The following BTAF1 variants were observed in gnomAD, a reference collection of about 807,000 sequenced individuals.
BTAF1 encodes B-TFIID TATA-box binding protein associated factor 1.
A neutral mutation model predicts 227.1 loss-of-function variants in BTAF1; 38 were observed. The ratio of observed to expected loss-of-function variants is 0.17; its 90% CI spans 0.13 to 0.22. BTAF1 has a LOEUF of 0.22. BTAF1 is among the 10% of genes least tolerant of loss of function. The probability of loss-of-function intolerance (pLI) is 1.00; values close to 1 mark genes in which losing one functional copy is unlikely to be tolerated. For missense variants in BTAF1, 1,598 were observed against 2,204.0 expected (o/e 0.73, Z 5.51); for synonymous variants, 742 against 751.9 (o/e 0.99, Z 0.21).
Position 91,962,654 on chromosome 10 carries a change from C to A in BTAF1, c.1380C>A (p.Ser460Arg). 1 of 1,597,754 alleles carries A rather than the reference C, an allele frequency of 6.3e-7. No homozygotes were observed. Among genetic ancestry groups the A allele is most frequent in the Non-Finnish European group, 8.5e-7 (1 of 1,174,174 alleles). ...AAASLVPVVE[S>R]LVYLQTQKVP... ...CATCATTAGTGCCTGTAGTAGAAAG[C>A]CTTGTCTATCTTCAGACACAAAAGG... is the stretch of plus-strand genomic sequence containing the variant. Residue 460 changes from serine to arginine, a missense_variant, in exon 12 of 38, where the codon AGC becomes AGA. Transcript: ENST00000265990.
intron 19 of BTAF1, among the ~76,000 whole-genome samples, chr10:91,987,271 C>G (rs1022367990): frequency 5.3e-5 from 8 of 152,014 alleles, no homozygotes; most frequent in Non-Finnish European, 7.4e-5. Context: ...ATCATGAGGT[C>G]AGGAGATCAA....
At chr10:91,953,050 A>G (rs1258858954) in intron 5 of BTAF1, among the ~76,000 whole-genome samples, 2 of 152,208 alleles carry the variant, frequency 1.3e-5, no homozygotes, top group East Asian at 1.9e-4. Context: ...GCCATAGGTC[A>G]TTACAGCTGC....
At chr10:91,931,637 C>T (rs962894019) in intron 1 of BTAF1, among the ~76,000 whole-genome samples, 1 of 152,186 alleles carries the variant, frequency 6.6e-6, no homozygotes, top group Non-Finnish European at 1.5e-5. Context: ...CAACATAATA[C>T]TGACTCTGTC....
chr10:91,989,305 C>T lies in BTAF1; in HGVS notation c.2579C>T (p.Ala860Val). 1 of 1,614,140 alleles carries T rather than the reference C, an allele frequency of 6.2e-7. No individual in the cohort carries two copies. The highest frequency in any genetic ancestry group is 8.5e-7 in the Non-Finnish European group (1 of 1,180,030). Reference sequence around the variant, plus strand: ...TTGCAGTTGAGAGTGCATACTTTTGCTGCCTGTGCAGTTGTGAGCTTGCAG... The same window carrying T: ...TTGCAGTTGAGAGTGCATACTTTTGTTGCCTGTGCAGTTGTGAGCTTGCAG... ...QVLQLRVHTFAACAVVSLQQL... is the reference protein window; with the variant it reads ...QVLQLRVHTFVACAVVSLQQL... The change falls in exon 20 of 38, where the codon GCT (alanine) becomes GTT (valine). Residue 860 changes from alanine to valine, a missense_variant. Transcript: ENST00000265990.
At chr10:91,957,202 G>A (rs369627991) in intron 7 of BTAF1, 23 bp from the exon 8 acceptor site, 107 of 1,597,708 alleles carry the variant, frequency 6.7e-5, no homozygotes, top group Non-Finnish European at 7.3e-5. Flanking sequence ...TGAACTAGTA[G>A]TAATTCTGTT....
intron 32 of BTAF1, among the ~76,000 whole-genome samples, chr10:92,016,062 A>G (rs759645910): frequency 6.6e-6 from 1 of 152,184 alleles, no homozygotes; most frequent in Non-Finnish European, 1.5e-5. Flanking sequence ...CCTGAACAGT[A>G]GAAAAATTGA....
In BTAF1 at chr10:92,018,876, G is replaced by C. The variant is rs1337170994; in HGVS notation, c.4804G>C (p.Val1602Leu). The change falls in exon 34 of 38, where the codon GTT (valine) becomes CTT (leucine). Residue 1602 changes from valine (V) to leucine (L), a missense_variant. Val to Leu is a conservative substitution (Grantham distance 32). This residue lies in a region of BTAF1 where 205 missense variants were observed against 244.5 expected (regional missense o/e 0.84). Coordinates refer to ENST00000265990, the MANE Select transcript of BTAF1 (RefSeq NM_003972.3). ...CAAGACCACTGCCGAAAAACTGGCA[G>C]TTCAGAATTCTTCTCTACATGATAT... ...EFKTTAEKLA[V>L]QNSSLHDIQH... 2 of 1,610,954 alleles carry C rather than the reference G, an allele frequency of 1.2e-6. No homozygotes were observed. Among genetic ancestry groups the C allele is most frequent in the East Asian group, 2.2e-5 (1 of 44,770 alleles).
At position 91,942,357 on chromosome 10, in the gene BTAF1, T is replaced by C. The variant is rs183148676; in HGVS notation, c.254-65T>C. ...AACCCATGCAACCCAAGTAATGATA[T>C]GCTATTTTCTTTCATTCCACACTTT... is the stretch of plus-strand genomic sequence containing the variant. On this transcript the variant is annotated intron_variant, in intron 3 of 37. Transcript: ENST00000265990. 417 of 1,341,750 alleles carry C rather than the reference T, an allele frequency of 3.1e-4. 1 individual carries two copies. The highest frequency in any genetic ancestry group is 7.1e-4 in the South Asian group (57 of 80,528). 83.1% of individuals were successfully genotyped at this position (1,341,750 alleles called of 1,614,324 possible).
At chr10:91,946,123 G>A (rs1338205330) in intron 4 of BTAF1, among the ~76,000 whole-genome samples, 1 of 152,262 alleles carries the variant, frequency 6.6e-6, no homozygotes, top group South Asian at 2.1e-4. Context: ...CTGCTGGGAG[G>A]CAAAGGCGGG....
intron 14 of BTAF1, among the ~76,000 whole-genome samples, chr10:91,969,606 G>A (rs1328307393): frequency 2.0e-5 from 3 of 152,084 alleles, no homozygotes; most frequent in African/African-American, 4.8e-5. Flanking sequence ...ACTTTTGTTA[G>A]TCTTGTAATA....
intron 6 of BTAF1, among the ~76,000 whole-genome samples, chr10:91,955,024 T>G (rs937088566): frequency 5.3e-5 from 8 of 152,242 alleles, no homozygotes; most frequent in African/African-American, 1.7e-4. Context: ...AAAAAGTGTT[T>G]AGTGTTTAAA....
intron 26 of BTAF1, 72 bp downstream of exon 26, chr10:92,008,347 T>C: frequency 3.9e-6 from 5 of 1,278,240 alleles, no homozygotes; most frequent in African/African-American, 1.6e-5. Context: ...TGGGGGGGGC[T>C]TTTGTTTCTT....
chr10:92,026,607 A>T lies in BTAF1; in HGVS notation c.5091A>T (p.Pro1697=). The change falls in exon 36 of 38, where the codon CCA becomes CCT. Residue 1697 remains proline (P), a synonymous_variant. Transcript: ENST00000265990. The part of the protein sequence containing the change: ...HSIVSRFNND[P]SIDVLLLTTH... ...CTACTTTTAGGTTTAATAATGATCC[A>T]TCTATAGACGTTCTGTTACTTACCA... The T allele has an allele frequency of 1.2e-6, 2 of 1,613,320 alleles. No individual in the cohort carries two copies. The highest frequency in any genetic ancestry group is 8.5e-7 in the Non-Finnish European group (1 of 1,179,486).
At chr10:92,018,678 A>G (rs979431953) in intron 33 of BTAF1, 105 bp from the exon 34 acceptor site, 42 of 1,025,966 alleles carry the variant, frequency 4.1e-5, no homozygotes, top group South Asian at 1.0e-4. Context: ...AGAGGGAGAA[A>G]GGCATTCTAA....
At chr10:91,954,975 A>G (rs1212471474) in intron 6 of BTAF1, among the ~76,000 whole-genome samples, 1 of 152,220 alleles carries the variant, frequency 6.6e-6, no homozygotes, top group African/African-American at 2.4e-5. Flanking sequence ...AGGATTTGCA[A>G]ATGACAGAAC....
chr10:91,949,010 C>T (rs1292324871), intron 4 of BTAF1, among the ~76,000 whole-genome samples: 1 of 152,112 alleles, frequency 6.6e-6, no homozygotes, highest in Non-Finnish European at 1.5e-5. Flanking sequence ...ATATTAGTTG[C>T]TTACGAATCT....
intron 1 of BTAF1, among the ~76,000 whole-genome samples, chr10:91,926,301 A>T (rs987249903): frequency 6.6e-6 from 1 of 152,240 alleles, no homozygotes; most frequent in African/African-American, 2.4e-5. Flanking sequence ...TTTCATATGC[A>T]TAACTGAAGA....
Position 92,009,176 on chromosome 10 carries a change from G to T in BTAF1, c.4071G>T (p.Leu1357Phe). ...KFCSREYLNP[L>F]HYTGPPTERI... is the part of the protein sequence containing the mutation. Reference sequence around the variant, plus strand: ...GCTCTAGAGAATATCTCAACCCGTTGCATTACACTGGACCTCCCACTGAAA... The same window carrying T: ...GCTCTAGAGAATATCTCAACCCGTTTCATTACACTGGACCTCCCACTGAAA... The change falls in exon 28 of 38, where the codon TTG becomes TTT. Residue 1357 changes from leucine to phenylalanine, a missense_variant. By Grantham distance (22) the Leu-to-Phe change is conservative. Coordinates refer to ENST00000265990, the MANE Select transcript of BTAF1 (RefSeq NM_003972.3). 6.2e-7 allele frequency: 1 copy of T among 1,614,072 alleles called. No individual in the cohort carries two copies. The highest frequency in any genetic ancestry group is 8.5e-7 in the Non-Finnish European group (1 of 1,179,988).
chr10:91,954,974 A>C (rs949946807), intron 6 of BTAF1, among the ~76,000 whole-genome samples: 1 of 152,248 alleles, frequency 6.6e-6, no homozygotes, highest in South Asian at 2.1e-4. Context: ...TAGGATTTGC[A>C]AATGACAGAA....
Sources: gnomAD v4.1 joint callset for allele counts (sites outside exome capture counted in the v4.1 genomes callset) on GRCh38, gnomAD v4.1.1 for gene constraint, gnomAD v4.1.1 regional missense constraint, MANE v1.5 for transcripts, NCBI Gene and HGNC (gene_info 2026-07-23, HGNC 2026-07-21) for gene names.